PHLDB1: variants seen among roughly 807,000 people sequenced by gnomAD.
PHLDB1 encodes pleckstrin homology like domain family B member 1, also known as pleckstrin homology-like domain family B member 1.
PHLDB1 carries 65 observed loss-of-function variants against 139.3 expected under a neutral mutation model. The observed-to-expected ratio is 0.47, with a 90% confidence interval of 0.38 to 0.57. The LOEUF is 0.57. Among genes scored for constraint, PHLDB1 ranks in the 20% least tolerant of loss-of-function variants. PHLDB1 has a pLI of 0.00. For synonymous variants in PHLDB1, 679 were observed against 734.5 expected, an observed-to-expected ratio of 0.92 and a Z score of 1.22; for missense variants, 1,624 against 1,839.7, an observed-to-expected ratio of 0.88 and a Z score of 2.14.
chr11:118,643,943 C>A lies in PHLDB1; in HGVS notation c.3018+3C>A. On this transcript the variant is annotated splice_donor_region_variant and intron_variant, in intron 14 of 22. Transcript: ENST00000600882. ...TGGGGCGTAGCCCCTCCCCAAAGGTCTGAGGACAGTGGGTGGGGCTGCACA... is the reference window on the plus strand; with the variant it reads ...TGGGGCGTAGCCCCTCCCCAAAGGTATGAGGACAGTGGGTGGGGCTGCACA... 1 of 1,595,666 alleles carries A rather than the reference C, an allele frequency of 6.3e-7. No homozygotes were observed. The highest frequency in any genetic ancestry group is 1.1e-5 in the South Asian group (1 of 87,314).
chr11:118,614,768 G>T, intron 3 of PHLDB1, 86 bp downstream of exon 3: 1 of 1,426,036 alleles, frequency 7.0e-7, no homozygotes, highest in Non-Finnish European at 9.6e-7. Flanking sequence ...GCATGTGTTG[G>T]GGCCCTTCTA....
chr11:118,618,741 A>AC (rs1175768340), intron 4 of PHLDB1, among the ~76,000 whole-genome samples: 1 of 151,268 alleles, frequency 6.6e-6, no homozygotes, highest in Non-Finnish European at 1.5e-5. Flanking sequence ...TGTAGACGGG[A>AC]CCCTCCTCTT....
chr11:118,626,821 T>A (rs1555101834), intron 5 of PHLDB1: 1 of 164,036 alleles, frequency 6.1e-6, no homozygotes, highest in Non-Finnish European at 1.3e-5. Context: ...ACCCAGCTAA[T>A]TTTTTGTATT....
intron 9 of PHLDB1, chr11:118,635,039 G>A (rs1471152726): frequency 1.4e-5 from 7 of 496,694 alleles, no homozygotes; most frequent in Non-Finnish European, 2.4e-5. Flanking sequence ...AGTTACAGGA[G>A]CAGCTGAGAA....
chr11:118,656,053 CCT>C (rs1949018229), intron 22 of PHLDB1, among the ~76,000 whole-genome samples, 161 bp downstream of exon 22: 2 of 151,810 alleles, frequency 1.3e-5, no homozygotes, highest in Non-Finnish European at 2.9e-5. Context: ...GGCTTGGGTG[CCT>C]CTCTCTCCTT....
At chr11:118,639,334 G>GC in intron 12 of PHLDB1, 83 bp downstream of exon 12, 3 of 952,412 alleles carry the variant, frequency 3.1e-6, no homozygotes, top group Non-Finnish European at 5.2e-6. Context: ...TTTCACCCCA[G>GC]TAGCTGAGGT....
At chr11:118,639,793 T>A in intron 12 of PHLDB1, 1 of 846,110 alleles carries the variant, frequency 1.2e-6, no homozygotes, top group Non-Finnish European at 1.4e-6. Context: ...ACAAACAATT[T>A]AGGCCTGCGG....
chr11:118,627,389 T>A lies in PHLDB1; in HGVS notation c.566T>A (p.Leu189Gln). The change falls in exon 6 of 23, where the codon CTG becomes CAG. Residue 189 changes from leucine (L) to glutamine (Q), a missense_variant. Leu to Gln is a moderately radical substitution (Grantham distance 113). Transcript: ENST00000600882. Reference sequence around the variant, plus strand: ...TCTGCCTGTGCCAGCCACAGTTCCCTGGTGAGCTCTATTGAGAAGGACCTG... The same window carrying A: ...TCTGCCTGTGCCAGCCACAGTTCCCAGGTGAGCTCTATTGAGAAGGACCTG... ...GPSACASHSS[L>Q]VSSIEKDLQE... is the part of the protein sequence containing the mutation. The A allele has an allele frequency of 6.2e-7, 1 of 1,614,176 alleles. No individual in the cohort carries two copies. Among genetic ancestry groups the A allele is most frequent in the Non-Finnish European group, 8.5e-7 (1 of 1,180,008 alleles).
chr11:118,631,351 G>GC lies in PHLDB1; in HGVS notation c.1973dup (p.Gly659ArgfsTer26). On this transcript the variant is annotated frameshift_variant, in exon 7 of 23. Transcript: ENST00000600882. LOFTEE classifies it high-confidence loss of function. ...AGGCCGGAGGCCCTCACGAGGCCTTGCAGGGGCCTCTGGGCGGAGCAGCGA... is the reference window on the plus strand; with the variant it reads ...AGGCCGGAGGCCCTCACGAGGCCTTGCCAGGGGCCTCTGGGCGGAGCAGCGA... 1 of 1,537,694 alleles carries GC rather than the reference G, an allele frequency of 6.5e-7. No individual in the cohort carries two copies. The highest frequency in any genetic ancestry group is 8.7e-7 in the Non-Finnish European group (1 of 1,143,614).
At chr11:118,652,191 A>G (rs1591785600) in intron 20 of PHLDB1, 1 of 152,290 alleles carries the variant, frequency 6.6e-6, no homozygotes, top group East Asian at 1.9e-4. Flanking sequence ...CTGGTCCCTG[A>G]TCACCTGCTG....
At chr11:118,614,466 G>A (rs1341667857) in intron 2 of PHLDB1, 93 bp from the exon 3 acceptor site, 6 of 1,402,416 alleles carry the variant, frequency 4.3e-6, no homozygotes, top group South Asian at 2.6e-5. Context: ...CTTCGGAGAG[G>A]GGCGAGGGCT....
At position 118,656,718 on chromosome 11, in the gene PHLDB1, C is replaced by T; in HGVS notation, c.4029C>T (p.Thr1343=). 1 of 1,614,022 alleles carries T rather than the reference C, an allele frequency of 6.2e-7. No homozygotes were observed. Among genetic ancestry groups the T allele is most frequent in the Non-Finnish European group, 8.5e-7 (1 of 1,179,904 alleles). Residue 1343 remains threonine (T), a synonymous_variant, in exon 23 of 23, where the codon ACC becomes ACT. Coordinates refer to ENST00000600882, the MANE Select transcript of PHLDB1 (RefSeq NM_001144758.3). Reference sequence around the variant, plus strand: ...CAGCCCTCACCTTCTGCGTAAAGACCCATGACCGGCTGTACTACATGGTGG... The same window carrying T: ...CAGCCCTCACCTTCTGCGTAAAGACTCATGACCGGCTGTACTACATGGTGG... ...PNPALTFCVK[T]HDRLYYMVAP... is the part of the protein sequence containing the mutation.
At position 118,645,963 on chromosome 11, in the gene PHLDB1, TA is replaced by T; in HGVS notation, c.3507+142del. On this transcript the variant is annotated intron_variant, in intron 17 of 22. Transcript: ENST00000600882. The surrounding 1 kb of genome is among the most constrained non-coding windows in gnomAD (Gnocchi z 5.1). ...CATTCCCTTGGGGTAGAAAATGTTT[TA>T]AAAGGTTGTATTCTGGCCGGGCGCG... is the stretch of plus-strand genomic sequence containing the variant. The T allele has an allele frequency of 1.4e-6, 1 of 692,132 alleles. No individual in the cohort carries two copies. 42.9% of individuals were successfully genotyped at this position (692,132 alleles called of 1,614,324 possible).
rs200986473 is a variant in PHLDB1 at position 118,611,851 on chromosome 11, A to AATAATC, written c.-21-1964_-21-1963insTAATCA. On this transcript the variant is annotated intron_variant, in intron 1 of 22. Coordinates refer to ENST00000600882, the MANE Select transcript of PHLDB1 (RefSeq NM_001144758.3). This position sits in a 1 kb window ranked among gnomAD's most constrained non-coding sequence, Gnocchi z 4.7. ...AAAAAAAAATAATAATAATAATAAT[A>AATAATC]AATGGCATTAAGTGCTTTGCTTTCA... Among the ~76,000 whole-genome samples, 1 of 150,470 alleles carries AATAATC rather than the reference A, an allele frequency of 6.6e-6. No homozygotes were observed.
Position 118,650,556 on chromosome 11 carries a change from C to T in PHLDB1, c.3874+9C>T, listed in dbSNP as rs1555135670. On this transcript the variant is annotated intron_variant, in intron 20 of 22. Coordinates refer to ENST00000600882, the MANE Select transcript of PHLDB1 (RefSeq NM_001144758.3). The surrounding 1 kb of genome is among the most constrained non-coding windows in gnomAD (Gnocchi z 4.7). Reference sequence around the variant, plus strand: ...CCTTTCCTATTATGTGGGTGAGTTCCCACAAGGCCACCCTGGGGGCCAGCC... The same window carrying T: ...CCTTTCCTATTATGTGGGTGAGTTCTCACAAGGCCACCCTGGGGGCCAGCC... The T allele has an allele frequency of 6.3e-7, 1 of 1,586,474 alleles. No individual in the cohort carries two copies. The highest frequency in any genetic ancestry group is 2.2e-5 in the East Asian group (1 of 44,756).
rs1555083830 is a variant in PHLDB1, at chr11:118,611,463, C to T, written c.-21-2353C>T. Among the ~76,000 whole-genome samples the T allele has an allele frequency of 6.6e-6, 1 of 152,200 alleles. No homozygotes were observed. The highest frequency in any genetic ancestry group is 1.5e-5 in the Non-Finnish European group (1 of 68,048). ...GTGTAAATAAATGAGCACACCACAG[C>T]TGCCCCACACGGCGATAGTGACCAA... On this transcript the variant is annotated intron_variant, in intron 1 of 22. Coordinates refer to ENST00000600882, the MANE Select transcript of PHLDB1 (RefSeq NM_001144758.3). This position sits in a 1 kb window ranked among gnomAD's most constrained non-coding sequence, Gnocchi z 4.7.
rs1555114763 is a variant in PHLDB1 at position 118,635,488 on chromosome 11, G to A, written c.2475G>A (p.Leu825=). The part of the protein sequence containing the change: ...RESRVEEERE[L]AGQGLLRSKA... Reference sequence around the variant, plus strand: ...GCCGCGTGGAGGAGGAGCGCGAGCTGGCCGGCCAGGGGCTGCTCCGGAGCA... The same window carrying A: ...GCCGCGTGGAGGAGGAGCGCGAGCTAGCCGGCCAGGGGCTGCTCCGGAGCA... Residue 825 remains leucine (L), a synonymous_variant, in exon 10 of 23, where the codon CTG becomes CTA. Transcript: ENST00000600882. The A allele has an allele frequency of 2.5e-6, 4 of 1,610,744 alleles. No homozygotes were observed. Among genetic ancestry groups the A allele is most frequent in the East Asian group, 2.2e-5 (1 of 44,748 alleles).
Position 118,645,325 on chromosome 11 carries a change from C to A in PHLDB1, c.3122-31C>A. Reference sequence around the variant, plus strand: ...CCTGCTCCTTAGCTGCGTGGGGAGCCCACTGTGACTCCCATCTGTCTCTCC... The same window carrying A: ...CCTGCTCCTTAGCTGCGTGGGGAGCACACTGTGACTCCCATCTGTCTCTCC... On this transcript the variant is annotated intron_variant, in intron 15 of 22. Transcript: ENST00000600882. This position sits in a 1 kb window ranked among gnomAD's most constrained non-coding sequence, Gnocchi z 5.1. 1 of 1,495,706 alleles carries A rather than the reference C, an allele frequency of 6.7e-7. No homozygotes were observed. Among genetic ancestry groups the A allele is most frequent in the South Asian group, 1.4e-5 (1 of 73,154 alleles). The allele number at this position is 1,495,706 out of a possible 1,614,324, so 92.7% of individuals were successfully genotyped here. A position where few individuals can be genotyped will look rare whatever the true frequency, so the allele number is the denominator to read the frequency against.
upstream of PHLDB1, among the ~76,000 whole-genome samples, chr11:118,607,329 TGTGGTGGTGGTGGTGGTGGTG>T (rs60326273): frequency 5.9e-3 from 339 of 57,650 alleles, 7 homozygotes; most frequent in East Asian, 0.037. Flanking sequence ...GAGGGGGATG[TGTGGTGGTGGTGGTGGTGGTG>T]GTGGTGGTGG....
Sources: gnomAD v4.1 joint callset for allele counts (sites outside exome capture counted in the v4.1 genomes callset) on GRCh38, gnomAD v4.1.1 for gene constraint, Gnocchi (gnomAD v3.1) non-coding constraint, MANE v1.5 for transcripts, NCBI Gene and HGNC (gene_info 2026-07-23, HGNC 2026-07-21) for gene names.